The following VPS13C variants were observed in gnomAD, a reference collection of about 807,000 sequenced individuals.
VPS13C encodes the protein vacuolar protein sorting 13 homolog C.
Under a neutral mutation model 456.8 loss-of-function variants are expected in VPS13C, and 358 were observed. The observed-to-expected ratio is 0.78, with a 90% CI of 0.72 to 0.86. VPS13C has a LOEUF of 0.86. Among genes scored for constraint, VPS13C ranks in the 40% least tolerant of loss-of-function variants. The pLI, the probability that VPS13C is intolerant of heterozygous loss-of-function variation, is 0.00. For missense variants in VPS13C, 4,818 were observed against 4,385.4 expected, an observed-to-expected ratio of 1.10 and a Z score of -2.79; for synonymous variants, 1,578 against 1,486.7, an observed-to-expected ratio of 1.06 and a Z score of -1.41.
intron 38 of VPS13C, among the ~76,000 whole-genome samples, chr15:61,953,675 T>G (rs1266564779): frequency 6.6e-6 from 1 of 152,090 alleles, no homozygotes; most frequent in Non-Finnish European, 1.5e-5. Context: ...TCTTTGCTAT[T>G]GTGAATAGTG....
chr15:61,900,409 G>A (rs2140110217), intron 66 of VPS13C, among the ~76,000 whole-genome samples: 1 of 152,308 alleles, frequency 6.6e-6, no homozygotes. Flanking sequence ...AGCAACTTCA[G>A]CAAAGTCTCA....
At chr15:61,890,635 CCTA>C (rs1473759498) in intron 66 of VPS13C, among the ~76,000 whole-genome samples, 1 of 152,152 alleles carries the variant, frequency 6.6e-6, no homozygotes, top group Non-Finnish European at 1.5e-5. Context: ...GTCTGAATTA[CCTA>C]CTGAGTGCTG....
rs1366482860 is a variant in VPS13C, at chr15:62,028,355, C to A, written c.448+3G>T. 10 of 1,612,814 alleles carry A rather than the reference C, an allele frequency of 6.2e-6. No homozygotes were observed. The highest frequency in any genetic ancestry group is 8.5e-6 in the Non-Finnish European group (10 of 1,179,172). ...TTGAATATAATTAACCATGCATACC[C>A]ACCAGGCTTGATGTCCTTGTAAACA... On this transcript the variant is annotated splice_donor_region_variant and intron_variant, in intron 6 of 84. Coordinates refer to ENST00000644861, the MANE Select transcript of VPS13C (RefSeq NM_020821.3).
In VPS13C at chr15:61,911,821, T is replaced by C; in HGVS notation, c.8715+19A>G. ...ATTTGTATATTTTAGGAATCAGTTG[T>C]AACAAAGAAAAATGCTACCTCTGAA... On this transcript the variant is annotated intron_variant, in intron 63 of 84. Coordinates refer to ENST00000644861, the MANE Select transcript of VPS13C (RefSeq NM_020821.3). 6.4e-7 allele frequency: 1 copy of C among 1,569,580 alleles called. No individual in the cohort carries two copies. Among genetic ancestry groups the C allele is most frequent in the Non-Finnish European group, 8.6e-7 (1 of 1,156,682 alleles).
At chr15:61,891,218 T>C (rs1442206749) in intron 66 of VPS13C, among the ~76,000 whole-genome samples, 3 of 152,212 alleles carry the variant, frequency 2.0e-5, no homozygotes, top group Non-Finnish European at 4.4e-5. Context: ...GTTAAAATAA[T>C]AAATTCCACT....
intron 50 of VPS13C, among the ~76,000 whole-genome samples, chr15:61,930,393 G>C (rs1034838311): frequency 1.3e-5 from 2 of 152,100 alleles, no homozygotes; most frequent in Non-Finnish European, 2.9e-5. Flanking sequence ...GTGCATGACA[G>C]CACTCTTCCC....
chr15:62,029,350 A>C (rs1474249112), intron 5 of VPS13C, among the ~76,000 whole-genome samples: 1 of 152,100 alleles, frequency 6.6e-6, no homozygotes, highest in Non-Finnish European at 1.5e-5. Flanking sequence ...ATCTCTTAAA[A>C]TTGACCTAAA....
intron 16 of VPS13C, among the ~76,000 whole-genome samples, chr15:61,999,439 T>C (rs1435843831): frequency 6.6e-6 from 1 of 151,886 alleles, no homozygotes; most frequent in Non-Finnish European, 1.5e-5. Flanking sequence ...TTTAATTGTG[T>C]GGGGGCTTGG....
chr15:61,897,620 G>A (rs895504082), intron 66 of VPS13C, among the ~76,000 whole-genome samples: 1 of 152,050 alleles, frequency 6.6e-6, no homozygotes, highest in African/African-American at 2.4e-5. Flanking sequence ...CTAAATCTAC[G>A]TCTGATTGGT....
chr15:61,969,071 A>C (rs917059778), intron 28 of VPS13C, among the ~76,000 whole-genome samples: 2 of 152,142 alleles, frequency 1.3e-5, no homozygotes, highest in Admixed American at 1.3e-4. Context: ...TTAGTAAATT[A>C]TATTAATACA....
At chr15:61,962,988 G>A in intron 32 of VPS13C, 136 bp from the exon 33 acceptor site, 2 of 530,986 alleles carry the variant, frequency 3.8e-6, no homozygotes, top group East Asian at 3.3e-5. Context: ...TAAATAAGTT[G>A]CAATATTAGA....
chr15:62,029,772 A>G (rs1368338402), intron 5 of VPS13C, among the ~76,000 whole-genome samples: 5 of 152,080 alleles, frequency 3.3e-5, no homozygotes, highest in Non-Finnish European at 7.4e-5. Flanking sequence ...GCTAGAAAAC[A>G]TTGCTGCCTA....
At chr15:61,896,168 C>T (rs550429124) in intron 66 of VPS13C, among the ~76,000 whole-genome samples, 1 of 152,266 alleles carries the variant, frequency 6.6e-6, no homozygotes, top group South Asian at 2.1e-4. Flanking sequence ...AGTCTTCCCT[C>T]AAAGAAAAGC....
At chr15:62,055,204 A>G (rs895675409) in intron 1 of VPS13C, among the ~76,000 whole-genome samples, 1 of 151,898 alleles carries the variant, frequency 6.6e-6, no homozygotes, top group Non-Finnish European at 1.5e-5. Flanking sequence ...GATTCTGGAC[A>G]TTCCAGTAAT....
At chr15:61,998,562 C>T (rs1166028408) in intron 16 of VPS13C, among the ~76,000 whole-genome samples, 1 of 152,174 alleles carries the variant, frequency 6.6e-6, no homozygotes, top group Non-Finnish European at 1.5e-5. Flanking sequence ...TTAATCTCAT[C>T]TCACAAATCA....
At chr15:62,038,957 T>C (rs1385898352) in intron 3 of VPS13C, among the ~76,000 whole-genome samples, 1 of 152,244 alleles carries the variant, frequency 6.6e-6, no homozygotes. Context: ...ATAACAGATA[T>C]TGGCATGGAT....
At chr15:61,910,125 A>G in intron 64 of VPS13C, 52 bp downstream of exon 64, 2 of 1,059,974 alleles carry the variant, frequency 1.9e-6, no homozygotes, top group Non-Finnish European at 2.3e-6. Flanking sequence ...TTAAAGTATA[A>G]TAAAAAATTA....
intron 9 of VPS13C, among the ~76,000 whole-genome samples, chr15:62,019,714 G>A (rs1471564668): frequency 1.3e-5 from 2 of 151,886 alleles, no homozygotes; most frequent in African/African-American, 2.4e-5. Flanking sequence ...CCAACTATGT[G>A]GTCAATTTTG....
intron 66 of VPS13C, among the ~76,000 whole-genome samples, chr15:61,891,947 A>G (rs1342702091): frequency 1.3e-5 from 2 of 152,222 alleles, no homozygotes; most frequent in African/African-American, 4.8e-5. Context: ...AGATGGTAAC[A>G]GAAATGAACT....
Sources: allele counts gnomAD v4.1 joint callset (sites outside exome capture counted in the v4.1 genomes callset), GRCh38; gene constraint gnomAD v4.1.1; transcripts MANE v1.5; gene names NCBI Gene and HGNC (gene_info 2026-07-23, HGNC 2026-07-21).